Variants in HAS2 observed in about 807,000 individuals in gnomAD.
HAS2 encodes the protein hyaluronan synthase 2.
HAS2 carries 16 observed loss-of-function variants against 51.6 expected under a neutral mutation model. That is an observed-to-expected ratio of 0.31 (90% confidence interval 0.21 to 0.47). The LOEUF is 0.47. HAS2 is among the 20% of genes least tolerant of loss of function. The pLI, the probability that HAS2 is intolerant of heterozygous loss-of-function variation, is 1.00. For synonymous variants in HAS2, 228 were observed against 235.5 expected (o/e 0.97, Z 0.29); for missense variants, 361 against 662.6 (o/e 0.54, Z 5.00).
At chr8:121,617,607 G>A (rs7836766) in intron 2 of HAS2, among the ~76,000 whole-genome samples, 1 of 151,872 alleles carries the variant, frequency 6.6e-6, no homozygotes, top group Non-Finnish European at 1.5e-5. Flanking sequence ...ATGTTTTCTT[G>A]TTACCTTCAA....
chr8:121,626,008 C>A (rs1288848666), intron 2 of HAS2, among the ~76,000 whole-genome samples: 1 of 152,058 alleles, frequency 6.6e-6, no homozygotes. Context: ...AGAGAGCAGT[C>A]GGTAGAGAAG....
chr8:121,631,206 C>T (rs968011097), intron 1 of HAS2, among the ~76,000 whole-genome samples: 1 of 152,160 alleles, frequency 6.6e-6, no homozygotes, highest in Admixed American at 6.5e-5. Context: ...AACAGGAATA[C>T]CTGCCAAGGA....
chr8:121,630,997 C>A (rs1348719619), intron 1 of HAS2, among the ~76,000 whole-genome samples: 1 of 152,106 alleles, frequency 6.6e-6, no homozygotes, highest in African/African-American at 2.4e-5. Context: ...TTGGTATGGC[C>A]AAGTCATTCC....
chr8:121,615,430 T>C (rs970115215), intron 3 of HAS2, among the ~76,000 whole-genome samples: 1 of 152,138 alleles, frequency 6.6e-6, no homozygotes, highest in Non-Finnish European at 1.5e-5. Context: ...TCCGCCTTCC[T>C]GGTTCAAATG....
Position 121,614,531 on chromosome 8 carries a change from C to T in HAS2, c.1237G>A (p.Val413Ile), listed in dbSNP as rs758898248. 6.2e-7 allele frequency: 1 copy of T among 1,614,116 alleles called. No homozygotes were observed. The highest frequency in any genetic ancestry group is 1.1e-5 in the South Asian group (1 of 91,084). ...GATTTTATGAGACCTACTAGCTGGA[C>T]AGTTAACAAGAAGAGGAGAATGTTC... Reference protein sequence around the residue: ...IWNILLFLLTVQLVGLIKSSF... With the variant: ...IWNILLFLLTIQLVGLIKSSF... Residue 413 changes from valine (V) to isoleucine (I), a missense_variant, in exon 4 of 4, where the codon GTC becomes ATC. This residue lies in a region of HAS2 where 106 missense variants were observed against 241.0 expected (regional missense o/e 0.44). Coordinates refer to ENST00000303924, the MANE Select transcript of HAS2 (RefSeq NM_005328.3). This position sits in a 1 kb window ranked among gnomAD's most constrained non-coding sequence, Gnocchi z 7.2.
intron 2 of HAS2, among the ~76,000 whole-genome samples, chr8:121,626,344 T>C (rs1458072430): frequency 6.6e-6 from 1 of 152,178 alleles, no homozygotes; most frequent in East Asian, 1.9e-4. Flanking sequence ...AAGCAAGGCA[T>C]CTATTCAAGA....
intron 2 of HAS2, among the ~76,000 whole-genome samples, chr8:121,622,229 A>G (rs1667903145): frequency 1.3e-5 from 2 of 152,168 alleles, no homozygotes. Context: ...ACAAATACTT[A>G]CTTAGTAAAT....
intron 2 of HAS2, among the ~76,000 whole-genome samples, chr8:121,624,756 G>C (rs1812818433): frequency 6.6e-6 from 1 of 152,072 alleles, no homozygotes; most frequent in Admixed American, 6.6e-5. Flanking sequence ...CCACGTGAGT[G>C]GTAATACGCA....
Position 121,636,927 on chromosome 8 carries a change from G to A in HAS2, c.-1+3926C>T, listed in dbSNP as rs142337347. Among the ~76,000 whole-genome samples the A allele has an allele frequency of 1.2e-4, 19 of 152,174 alleles. No homozygotes were observed. The East Asian group carries it at 3.3e-3, about 26-fold the overall frequency. On this transcript the variant is annotated intron_variant, in intron 1 of 3. Transcript: ENST00000303924. ...TAAATTAGCATGAATTCAATTCAAG[G>A]GCATTATATTCCAAGAATTCTTGGA...
intron 2 of HAS2, among the ~76,000 whole-genome samples, chr8:121,620,202 T>C (rs1052597139): frequency 1.3e-5 from 2 of 152,212 alleles, no homozygotes; most frequent in Non-Finnish European, 2.9e-5. Flanking sequence ...TAGAAAGCCA[T>C]GGTCTTTGAC....
At chr8:121,622,169 C>T (rs549315204) in intron 2 of HAS2, among the ~76,000 whole-genome samples, 3 of 152,094 alleles carry the variant, frequency 2.0e-5, no homozygotes, top group African/African-American at 4.8e-5. Context: ...ATCACCCCCC[C>T]ATCCCAATTT....
At chr8:121,636,014 G>T (rs1156440084) in intron 1 of HAS2, among the ~76,000 whole-genome samples, 3 of 152,082 alleles carry the variant, frequency 2.0e-5, no homozygotes, top group Non-Finnish European at 2.9e-5. Flanking sequence ...GTGAACAAAA[G>T]GTTAAAAAGT....
chr8:121,628,595 A>T (rs1812885426), intron 2 of HAS2, 119 bp downstream of exon 2: 2 of 889,192 alleles, frequency 2.2e-6, no homozygotes, highest in African/African-American at 3.4e-5. Flanking sequence ...TTTTCAAATG[A>T]ACTGAAAGAA....
intron 2 of HAS2, 143 bp from the exon 3 acceptor site, chr8:121,617,349 G>C: frequency 1.7e-6 from 1 of 587,798 alleles, no homozygotes; most frequent in Non-Finnish European, 3.0e-6. Context: ...TGATAACAGA[G>C]GCCTTGTTAT....
At chr8:121,622,194 G>GGTA (rs1239724306) in intron 2 of HAS2, among the ~76,000 whole-genome samples, 1 of 151,766 alleles carries the variant, frequency 6.6e-6, no homozygotes, top group Admixed American at 6.6e-5. Flanking sequence ...AGTAAAAAGG[G>GGTA]GTAATGGCAG....
At position 121,628,800 on chromosome 8, in the gene HAS2, T is replaced by C. The variant is rs1164822954; in HGVS notation, c.541A>G (p.Ile181Val). 1 of 1,614,018 alleles carries C rather than the reference T, an allele frequency of 6.2e-7. No homozygotes were observed. The highest frequency in any genetic ancestry group is 1.7e-5 in the Admixed American group (1 of 60,014). The change falls in exon 2 of 4, where the codon ATC (isoleucine) becomes GTC (valine). Residue 181 changes from isoleucine to valine, a missense_variant. Physicochemically the swap from Ile to Val is conservative, Grantham distance 29. Coordinates refer to ENST00000303924, the MANE Select transcript of HAS2 (RefSeq NM_005328.3). ...VTQLVLSNKS[I>V]CIMQKWGGKR... is the part of the protein sequence containing the mutation. ...CCACCCCATTTTTGCATGATGCAGATACTTTTGTTGGACAAGACCAATTGC... is the reference window on the plus strand; with the variant it reads ...CCACCCCATTTTTGCATGATGCAGACACTTTTGTTGGACAAGACCAATTGC...
chr8:121,614,798 G>T lies in HAS2; in HGVS notation c.970C>A (p.Leu324Met), dbSNP rs965932191. 3.7e-6 allele frequency: 6 copies of T among 1,614,226 alleles called. No individual in the cohort carries two copies. ...DRHLTNRVLS[L>M]GYATKYTARS... ...GCTGTGTATTTTGTTGCATAGCCCA[G>T]GCTCAGCACCCGGTTCGTGAGATGC... Residue 324 changes from leucine to methionine, a missense_variant, in exon 4 of 4, where the codon CTG (leucine) becomes ATG (methionine). Leu to Met is a conservative substitution (Grantham distance 15). This residue lies in a region of HAS2 where 106 missense variants were observed against 241.0 expected (regional missense o/e 0.44). Coordinates refer to ENST00000303924, the MANE Select transcript of HAS2 (RefSeq NM_005328.3). The surrounding 1 kb of genome is among the most constrained non-coding windows in gnomAD (Gnocchi z 7.2).
intron 2 of HAS2, among the ~76,000 whole-genome samples, chr8:121,624,377 G>A (rs1187748579): frequency 6.6e-6 from 1 of 152,224 alleles, no homozygotes; most frequent in African/African-American, 2.4e-5. Context: ...GACCTCAGCT[G>A]GAACATGCAC....
At chr8:121,636,815 C>T (rs1372268957) in intron 1 of HAS2, among the ~76,000 whole-genome samples, 1 of 152,144 alleles carries the variant, frequency 6.6e-6, no homozygotes, top group African/African-American at 2.4e-5. Context: ...CGCCAAGTCT[C>T]TTTAGGAAAT....
Sources: gnomAD v4.1 joint callset for allele counts (sites outside exome capture counted in the v4.1 genomes callset) on GRCh38, gnomAD v4.1.1 for gene constraint, gnomAD v4.1.1 regional missense constraint, Gnocchi (gnomAD v3.1) non-coding constraint, MANE v1.5 for transcripts, NCBI Gene and HGNC (gene_info 2026-07-23, HGNC 2026-07-21) for gene names.